Variants in DTL observed in about 807,000 individuals in gnomAD.
DTL encodes the protein denticleless protein homolog.
In DTL, 46 loss-of-function variants were observed where a neutral mutation model predicts 87.0. The ratio of observed to expected loss-of-function variants is 0.53; its 90% confidence interval spans 0.42 to 0.68. The LOEUF (loss-of-function observed/expected upper bound fraction) is 0.68. Among genes scored for constraint, DTL ranks in the 30% least tolerant of loss-of-function variants. The probability of loss-of-function intolerance (pLI) is 0.00; values close to 1 mark genes in which losing one functional copy is unlikely to be tolerated. For synonymous variants in DTL, 308 were observed against 311.2 expected (o/e 0.99, Z 0.11); for missense variants, 737 against 869.4 (o/e 0.85, Z 1.91).
Position 212,101,066 on chromosome 1 carries a change from A to G in DTL, c.2076A>G (p.Gly692=), listed in dbSNP as rs768754768. ...SQTPNSRRQS[G]KKLPSPVTIT... ...CACCCAATTCCAGGAGACAGAGCGGAAAGAAATTGCCAAGCCCGGTAAGTC... is the reference window on the plus strand; with the variant it reads ...CACCCAATTCCAGGAGACAGAGCGGGAAGAAATTGCCAAGCCCGGTAAGTC... Residue 692 remains glycine (G), a synonymous_variant, in exon 14 of 15, where the codon GGA becomes GGG. Coordinates refer to ENST00000366991, the MANE Select transcript of DTL (RefSeq NM_016448.4). 10 of 1,609,278 alleles carry G rather than the reference A, an allele frequency of 6.2e-6. No individual in the cohort carries two copies. In the African/African-American group the frequency reaches 6.7e-5, roughly 11 times the overall value.
chr1:212,035,853 C>G lies in DTL; in HGVS notation c.-38C>G. Reference sequence around the variant, plus strand: ...TCTGCTGAACTTGGAGGCATTTCTACGACTTTTCTCTCAGCTGAGGCTTTT... The same window carrying G: ...TCTGCTGAACTTGGAGGCATTTCTAGGACTTTTCTCTCAGCTGAGGCTTTT... On this transcript the variant is annotated 5_prime_UTR_variant, in exon 1 of 15. Coordinates refer to ENST00000366991, the MANE Select transcript of DTL (RefSeq NM_016448.4). The G allele has an allele frequency of 6.2e-7, 1 of 1,608,962 alleles. No homozygotes were observed. The highest frequency in any genetic ancestry group is 8.5e-7 in the Non-Finnish European group (1 of 1,175,600).
At chr1:212,064,755 T>C (rs1654441094) in intron 6 of DTL, among the ~76,000 whole-genome samples, 162 bp from the exon 7 acceptor site, 1 of 152,256 alleles carries the variant, frequency 6.6e-6, no homozygotes, top group Non-Finnish European at 1.5e-5. Context: ...TCCCTTTTTA[T>C]ACATTATAGT....
chr1:212,043,848 A>C (rs1667730812), intron 2 of DTL, among the ~76,000 whole-genome samples: 1 of 150,366 alleles, frequency 6.7e-6, no homozygotes, highest in African/African-American at 2.5e-5. Context: ...AAAAAAAAAG[A>C]AATAGAAGTA....
chr1:212,072,559 C>T lies in DTL; in HGVS notation c.1035+346C>T, dbSNP rs58986115. Reference sequence around the variant, plus strand: ...TTTCTGCCCTATGTTTTCAAACTCTCGTTCAGAATACAGTATTTTGATCCC... The same window carrying T: ...TTTCTGCCCTATGTTTTCAAACTCTTGTTCAGAATACAGTATTTTGATCCC... On this transcript the variant is annotated intron_variant, in intron 11 of 14. Transcript: ENST00000366991. Among the ~76,000 whole-genome samples the T allele has an allele frequency of 2.5e-3, 375 of 152,220 alleles. 1 individual carries two copies. The highest frequency in any genetic ancestry group is 8.7e-3 in the African/African-American group (361 of 41,546).
At chr1:212,058,647 A>C (rs541807802) in intron 5 of DTL, among the ~76,000 whole-genome samples, 88 of 152,260 alleles carry the variant, frequency 5.8e-4, no homozygotes, top group African/African-American at 1.9e-3. Context: ...CTAGAAAAGC[A>C]AGAACAAACC....
intron 1 of DTL, among the ~76,000 whole-genome samples, chr1:212,037,768 CT>C (rs1667531877): frequency 6.6e-6 from 1 of 152,104 alleles, no homozygotes; most frequent in South Asian, 2.1e-4. Context: ...TGGTGGTGGG[CT>C]AAATCAAGGA....
chr1:212,087,261 CAG>C (rs1196844871), intron 13 of DTL, among the ~76,000 whole-genome samples: 3 of 152,120 alleles, frequency 2.0e-5, no homozygotes, highest in African/African-American at 4.8e-5. Flanking sequence ...TAGAACCTAA[CAG>C]AGCAGGCTGG....
At chr1:212,075,855 G>A (rs959500179) in intron 11 of DTL, among the ~76,000 whole-genome samples, 4 of 152,050 alleles carry the variant, frequency 2.6e-5, no homozygotes, top group Non-Finnish European at 5.9e-5. Context: ...AAAAACCCGT[G>A]TCCTTTAACA....
intron 3 of DTL, among the ~76,000 whole-genome samples, chr1:212,045,644 T>TA (rs1277804301): frequency 6.6e-6 from 1 of 152,126 alleles, no homozygotes; most frequent in Non-Finnish European, 1.5e-5. Flanking sequence ...TAGGAAAACT[T>TA]ACGAAGCATG....
chr1:212,051,807 A>G, intron 5 of DTL: 3 of 756,222 alleles, frequency 4.0e-6, no homozygotes, highest in Admixed American at 3.7e-5. Context: ...ATGCTGGGTA[A>G]CATTGTAGAC....
intron 6 of DTL, among the ~76,000 whole-genome samples, chr1:212,063,510 CA>C: frequency 6.6e-6 from 1 of 151,848 alleles, no homozygotes; most frequent in Middle Eastern, 3.4e-3. Flanking sequence ...AGGCTGGTCT[CA>C]AACTCCTGAC....
intron 9 of DTL, 30 bp downstream of exon 9, chr1:212,068,357 A>G (rs1654572130): frequency 2.9e-6 from 4 of 1,369,704 alleles, no homozygotes; most frequent in Non-Finnish European, 4.0e-6. Context: ...TTTGGGGGAG[A>G]TAAGAGTTTT....
chr1:212,087,475 G>A (rs577673456), intron 13 of DTL, among the ~76,000 whole-genome samples: 8 of 151,870 alleles, frequency 5.3e-5, no homozygotes, highest in East Asian at 3.9e-4. Context: ...GCGTGAACCC[G>A]GGAGGCGGAG....
intron 13 of DTL, among the ~76,000 whole-genome samples, chr1:212,093,276 C>A (rs1426512011): frequency 6.6e-6 from 1 of 152,138 alleles, no homozygotes; most frequent in Non-Finnish European, 1.5e-5. Context: ...ATGTTTATAG[C>A]TCCTGAAGCC....
At chr1:212,067,829 T>G (rs143258992) in intron 8 of DTL, among the ~76,000 whole-genome samples, 3 of 152,226 alleles carry the variant, frequency 2.0e-5, no homozygotes, top group African/African-American at 7.2e-5. Flanking sequence ...TAAAGAGTTA[T>G]GTATGGAGAT....
At chr1:212,040,166 GTTT>G (rs920262097) in intron 1 of DTL, among the ~76,000 whole-genome samples, 4 of 152,076 alleles carry the variant, frequency 2.6e-5, no homozygotes, top group African/African-American at 7.2e-5. Context: ...TATTCTATAA[GTTT>G]TTTTATTTTA....
At chr1:212,066,270 CA>C in intron 7 of DTL, among the ~76,000 whole-genome samples, 1 of 152,090 alleles carries the variant, frequency 6.6e-6, no homozygotes, top group East Asian at 1.9e-4. Flanking sequence ...TGAATGGAAG[CA>C]GATAGTAGAG....
intron 13 of DTL, among the ~76,000 whole-genome samples, chr1:212,086,303 TATAAA>T (rs936487275): frequency 6.6e-6 from 1 of 152,064 alleles, no homozygotes; most frequent in Non-Finnish European, 1.5e-5. Flanking sequence ...TTTTAGAAAA[TATAAA>T]AGAAAAGAAT....
In DTL at chr1:212,068,590, T is replaced by C; in HGVS notation, c.818-9T>C. The C allele has an allele frequency of 1.9e-6, 3 of 1,589,932 alleles. No individual in the cohort carries two copies. The highest frequency in any genetic ancestry group is 2.2e-5 in the East Asian group (1 of 44,652). On this transcript the variant is annotated splice_polypyrimidine_tract_variant and intron_variant, in intron 9 of 14. Coordinates refer to ENST00000366991, the MANE Select transcript of DTL (RefSeq NM_016448.4). Reference sequence around the variant, plus strand: ...TCAGGACGTGCTAACTTAAGTTTCCTTTTTCCAGGATATTCAAGTCTGATT... The same window carrying C: ...TCAGGACGTGCTAACTTAAGTTTCCCTTTTCCAGGATATTCAAGTCTGATT...
Sources: allele counts gnomAD v4.1 joint callset (sites outside exome capture counted in the v4.1 genomes callset), GRCh38; gene constraint gnomAD v4.1.1; transcripts MANE v1.5; gene names NCBI Gene and HGNC (gene_info 2026-07-23, HGNC 2026-07-21).